Variants in CFHR2 observed in about 807,000 individuals in gnomAD.
CFHR2 encodes the protein complement factor H-related protein 2.
A neutral mutation model predicts 21.7 loss-of-function variants in CFHR2; 22 were observed. That is an observed-to-expected ratio of 1.01 (90% confidence interval 0.72 to 1.45). The LOEUF is 1.45. Ranked by LOEUF, CFHR2 falls within the 40% of genes most tolerant of loss-of-function variation. CFHR2 has a pLI of 0.00. For missense variants in CFHR2, 294 were observed against 293.3 expected, an observed-to-expected ratio of 1.00 and a Z score of -0.02; for synonymous variants, 98 against 97.4, an observed-to-expected ratio of 1.01 and a Z score of -0.04.
chr1:196,952,717 C>T (rs1009606811), intron 3 of CFHR2, among the ~76,000 whole-genome samples: 1 of 152,208 alleles, frequency 6.6e-6, no homozygotes, highest in Admixed American at 6.5e-5. Context: ...CATGTTTTCC[C>T]TGTCTGAGAA....
In CFHR2 at chr1:196,959,610, T is replaced by C. The variant is rs1653036997; in HGVS notation, c.*530T>C. ...GAGCTTGTAACTATGTATATCCACATAAATAATCAAAATAATTTGTGTTTT... is the reference window on the plus strand; with the variant it reads ...GAGCTTGTAACTATGTATATCCACACAAATAATCAAAATAATTTGTGTTTT... On this transcript the variant is annotated 3_prime_UTR_variant, in exon 5 of 5. Transcript: ENST00000367415. Among the ~76,000 whole-genome samples, 1 of 152,092 alleles carries C rather than the reference T, an allele frequency of 6.6e-6. No homozygotes were observed. The highest frequency in any genetic ancestry group is 2.1e-4 in the South Asian group (1 of 4,828).
chr1:196,958,393 AGTGTGTGTGTGTGT>A (rs111351996), intron 4 of CFHR2, among the ~76,000 whole-genome samples: 1 of 148,624 alleles, frequency 6.7e-6, no homozygotes, highest in Admixed American at 6.7e-5. Flanking sequence ...ATTGTGTGTA[AGTGTGTGTGTGTGT>A]GTGTGTGTGA....
At position 196,959,035 on chromosome 1, in the gene CFHR2, G is replaced by A; in HGVS notation, c.768G>A (p.Met256Ile). 2 of 1,612,366 alleles carry A rather than the reference G, an allele frequency of 1.2e-6. No individual in the cohort carries two copies. Among genetic ancestry groups the A allele is most frequent in the African/African-American group, 1.3e-5 (1 of 75,000 alleles). ...HPTKSHSFRA[M>I]CQNGKLVYPS... ...CAAAATCTCATTCATTTCGAGCAAT[G>A]TGTCAGAATGGGAAACTGGTATATC... The change falls in exon 5 of 5, where the codon ATG becomes ATA. Residue 256 changes from methionine (M) to isoleucine (I), a missense_variant. Coordinates refer to ENST00000367415, the MANE Select transcript of CFHR2 (RefSeq NM_005666.4).
chr1:196,951,939 C>T (rs1356440628), intron 3 of CFHR2, among the ~76,000 whole-genome samples: 2 of 152,060 alleles, frequency 1.3e-5, no homozygotes, highest in African/African-American at 2.4e-5. Flanking sequence ...TCATCACGGT[C>T]ATGTGCTGGG....
Position 196,950,879 on chromosome 1 carries a change from A to T in CFHR2, c.281A>T (p.Asn94Ile), listed in dbSNP as rs1447889618. 26 of 1,613,716 alleles carry T rather than the reference A, an allele frequency of 1.6e-5. No individual in the cohort carries two copies. The highest frequency in any genetic ancestry group is 2.1e-5 in the Non-Finnish European group (25 of 1,179,884). The change falls in exon 3 of 5, where the codon AAT becomes ATT. Residue 94 changes from asparagine to isoleucine, a missense_variant. Physicochemically the swap from Asn to Ile is moderately radical, Grantham distance 149. Coordinates refer to ENST00000367415, the MANE Select transcript of CFHR2 (RefSeq NM_005666.4). ...LRLCFFPFVE[N>I]GHSESSGQTH... ...CTGTGTTTCTTTCCTTTTGTGGAAAATGGTCATTCTGAATCTTCAGGACAA... is the reference window on the plus strand; with the variant it reads ...CTGTGTTTCTTTCCTTTTGTGGAAATTGGTCATTCTGAATCTTCAGGACAA...
Position 196,949,597 on chromosome 1 carries a change from G to C in CFHR2, c.201G>C (p.Trp67Cys). Reference protein sequence around the residue: ...YNFVSPSKSFWTRITCAEEGW... With the variant: ...YNFVSPSKSFCTRITCAEEGW... ...TTGTGTCTCCTTCAAAATCCTTTTG[G>C]ACTCGCATAACGTGCGCAGAAGAAG... is the stretch of plus-strand genomic sequence containing the variant. The change falls in exon 2 of 5, where the codon TGG becomes TGC. Residue 67 changes from tryptophan (W) to cysteine (C), a missense_variant. Coordinates refer to ENST00000367415, the MANE Select transcript of CFHR2 (RefSeq NM_005666.4). 1 of 1,613,962 alleles carries C rather than the reference G, an allele frequency of 6.2e-7. No individual in the cohort carries two copies. The highest frequency in any genetic ancestry group is 8.5e-7 in the Non-Finnish European group (1 of 1,179,946).
intron 3 of CFHR2, among the ~76,000 whole-genome samples, chr1:196,952,831 T>C (rs957817365): frequency 1.3e-5 from 2 of 152,224 alleles, no homozygotes; most frequent in African/African-American, 4.8e-5. Flanking sequence ...TTAGCACATT[T>C]TATTTAAGCT....
rs1659697770 is a variant in CFHR2, at chr1:196,950,844, G to T, written c.254-8G>T. 4 of 1,612,402 alleles carry T rather than the reference G, an allele frequency of 2.5e-6. No homozygotes were observed. Among genetic ancestry groups the T allele is most frequent in the Non-Finnish European group, 3.4e-6 (4 of 1,179,668 alleles). On this transcript the variant is annotated splice_polypyrimidine_tract_variant and splice_region_variant and intron_variant, in intron 2 of 4. Coordinates refer to ENST00000367415, the MANE Select transcript of CFHR2 (RefSeq NM_005666.4). ...CATCTTGTCTATTAATCTGTTTTTGGTCTTTAGGACTGTGTTTCTTTCCTT... is the reference window on the plus strand; with the variant it reads ...CATCTTGTCTATTAATCTGTTTTTGTTCTTTAGGACTGTGTTTCTTTCCTT...
At chr1:196,958,851 T>G in intron 4 of CFHR2, 30 bp from the exon 5 acceptor site, 1 of 1,393,048 alleles carries the variant, frequency 7.2e-7, no homozygotes, top group Non-Finnish European at 1.0e-6. Context: ...TACTACTTAA[T>G]GTTTTATGTT....
At chr1:196,954,560 C>T (rs1652794412) in intron 3 of CFHR2, among the ~76,000 whole-genome samples, 2 of 151,988 alleles carry the variant, frequency 1.3e-5, no homozygotes, top group African/African-American at 4.8e-5. Context: ...CCCTTCCACT[C>T]TGCCCTAGCA....
At position 196,949,634 on chromosome 1, in the gene CFHR2, AC is replaced by A; in HGVS notation, c.239del (p.Thr80AsnfsTer51). On this transcript the variant is annotated frameshift_variant, in exon 2 of 5. Coordinates refer to ENST00000367415, the MANE Select transcript of CFHR2 (RefSeq NM_005666.4). LOFTEE classifies it high-confidence loss of function. ...GTGCGCAGAAGAAGGATGGTCACCAACACCAAAGTGTCTCAGTGAGTAAATG... is the reference window on the plus strand; with the variant it reads ...GTGCGCAGAAGAAGGATGGTCACCAAACCAAAGTGTCTCAGTGAGTAAATG... ...ITCAEEGWSPTPKCLRLCFFP... is the reference protein window; with the variant it reads ...ITCAEEGWSPXPKCLRLCFFP... 1 of 1,613,892 alleles carries A rather than the reference AC, an allele frequency of 6.2e-7. No individual in the cohort carries two copies. Among genetic ancestry groups the A allele is most frequent in the Non-Finnish European group, 8.5e-7 (1 of 1,179,822 alleles).
chr1:196,953,622 G>C (rs1215841444), intron 3 of CFHR2, among the ~76,000 whole-genome samples: 1 of 152,126 alleles, frequency 6.6e-6, no homozygotes, highest in Non-Finnish European at 1.5e-5. Context: ...TTTACAATTA[G>C]ATTTTTTAAA....
intron 1 of CFHR2, among the ~76,000 whole-genome samples, chr1:196,944,638 T>C (rs1477141844): frequency 1.3e-5 from 2 of 152,044 alleles, no homozygotes; most frequent in East Asian, 3.9e-4. Context: ...TCTACCAAGG[T>C]CTAGGATACT....
intron 2 of CFHR2, among the ~76,000 whole-genome samples, chr1:196,950,634 C>T (rs767612155): frequency 1.8e-4 from 27 of 151,900 alleles, no homozygotes; most frequent in Non-Finnish European, 3.8e-4. Flanking sequence ...CCACTATGCC[C>T]GCTAATTTTT....
chr1:196,946,230 T>A (rs1378098483), intron 1 of CFHR2, among the ~76,000 whole-genome samples: 3 of 152,252 alleles, frequency 2.0e-5, no homozygotes, highest in Non-Finnish European at 4.4e-5. Context: ...AAACACTGTA[T>A]ACTTAGGCTA....
chr1:196,957,335 T>C (rs1652927016), intron 3 of CFHR2, among the ~76,000 whole-genome samples: 1 of 132,760 alleles, frequency 7.5e-6, no homozygotes, highest in Non-Finnish European at 1.5e-5. Context: ...AGTCTTTTTA[T>C]GTTCTTTTCC....
At chr1:196,955,944 G>A (rs1483509158) in intron 3 of CFHR2, among the ~76,000 whole-genome samples, 1 of 152,170 alleles carries the variant, frequency 6.6e-6, no homozygotes, top group Non-Finnish European at 1.5e-5. Context: ...GCAGAAGCGG[G>A]GGCAGGCACT....
intron 3 of CFHR2, among the ~76,000 whole-genome samples, chr1:196,956,540 A>T (rs74430141): frequency 0.023 from 3,560 of 152,086 alleles, 125 homozygotes; most frequent in African/African-American, 0.08. Flanking sequence ...AGCTCAGTTC[A>T]GCTTTCTGTT....
rs548450305 is a variant in CFHR2, at chr1:196,949,084, G to A, written c.59-371G>A. Among the ~76,000 whole-genome samples, 65 of 152,250 alleles carry A rather than the reference G, an allele frequency of 4.3e-4. 1 individual carries two copies. The South Asian group carries it at 0.012, about 29-fold the overall frequency. On this transcript the variant is annotated intron_variant, in intron 1 of 4. Coordinates refer to ENST00000367415, the MANE Select transcript of CFHR2 (RefSeq NM_005666.4). ...AATAGAGAAAATAAGTAAATTGAGAGCTAAGAACAACCCTGTCACTCCTCT... is the reference window on the plus strand; with the variant it reads ...AATAGAGAAAATAAGTAAATTGAGAACTAAGAACAACCCTGTCACTCCTCT...
Sources: allele counts gnomAD v4.1 joint callset (sites outside exome capture counted in the v4.1 genomes callset), GRCh38; gene constraint gnomAD v4.1.1; transcripts MANE v1.5; gene names NCBI Gene and HGNC (gene_info 2026-07-23, HGNC 2026-07-21).